The following QRICH2 variants were observed in gnomAD, a reference collection of about 807,000 sequenced individuals.
The protein encoded by QRICH2 is glutamine rich 2.
Under a neutral mutation model 168.3 loss-of-function variants are expected in QRICH2, and 119 were observed. That is an observed-to-expected ratio of 0.71 (90% CI 0.61 to 0.82). QRICH2 has a LOEUF of 0.82. Ranked by LOEUF, QRICH2 falls within the 40% of genes least tolerant of loss-of-function variation. QRICH2 has a pLI of 0.00. For synonymous variants in QRICH2, 894 were observed against 951.2 expected (o/e 0.94, Z 1.11); for missense variants, 2,241 against 2,491.6 (o/e 0.90, Z 2.14).
At position 76,281,763 on chromosome 17, in the gene QRICH2, G is replaced by T; in HGVS notation, c.4263+101C>A. 2 of 1,463,666 alleles carry T rather than the reference G, an allele frequency of 1.4e-6. No individual in the cohort carries two copies. Among genetic ancestry groups the T allele is most frequent in the Non-Finnish European group, 1.9e-6 (2 of 1,068,660 alleles). The allele number at this position is 1,463,666 out of a possible 1,614,324, so 90.7% of individuals were successfully genotyped here. On this transcript the variant is annotated intron_variant, in intron 8 of 18. Transcript: ENST00000680821. The surrounding 1 kb of genome is among the most constrained non-coding windows in gnomAD (Gnocchi z 4.4). ...CTCCGCCACGGAGAGCTGACCTTGA[G>T]GCCCAAACACCCGCCCCACTTCTGT...
rs750625203 is a variant in QRICH2 at position 76,304,935 on chromosome 17, A to G, written c.541T>C (p.Leu181=). ...AEELSFARVL[L]QRVDELEKLF... Reference sequence around the variant, plus strand: ...TTCTCTAGTTCATCAACCCGCTGTAAAAGTACCTGGAAGAAGAGTTCAGGA... The same window carrying G: ...TTCTCTAGTTCATCAACCCGCTGTAGAAGTACCTGGAAGAAGAGTTCAGGA... Residue 181 remains leucine, a synonymous_variant, in exon 2 of 19, where the codon TTA becomes CTA. Coordinates refer to ENST00000680821, the MANE Select transcript of QRICH2 (RefSeq NM_001388453.1). 7 of 1,613,086 alleles carry G rather than the reference A, an allele frequency of 4.3e-6. No homozygotes were observed. In the South Asian group the frequency reaches 7.7e-5, roughly 18 times the overall value.
At position 76,293,326 on chromosome 17, in the gene QRICH2, T is replaced by C; in HGVS notation, c.1401A>G (p.Ser467=). 1 of 1,614,152 alleles carries C rather than the reference T, an allele frequency of 6.2e-7. No homozygotes were observed. Among genetic ancestry groups the C allele is most frequent in the South Asian group, 1.1e-5 (1 of 91,088 alleles). Residue 467 remains serine (S), a synonymous_variant, in exon 4 of 19, where the codon TCA becomes TCG. Transcript: ENST00000680821. Reference sequence around the variant, plus strand: ...TCATACCATGCTGATATGCACTGACTGAAACCAGACCATGTTGGTCTGTGC... The same window carrying C: ...TCATACCATGCTGATATGCACTGACCGAAACCAGACCATGTTGGTCTGTGC... ...LPSTDQHGLV[S]VSAYQHGMTF... is the part of the protein sequence containing the mutation.
intron 3 of QRICH2, among the ~76,000 whole-genome samples, chr17:76,302,291 C>T (rs984554378): frequency 3.3e-5 from 5 of 151,026 alleles, no homozygotes; most frequent in East Asian, 2.0e-4. Flanking sequence ...TCTAGGACCC[C>T]GTTTCCCCCC....
Position 76,281,864 on chromosome 17 carries a change from C to T in QRICH2, c.4263G>A (p.Gln1421=). 2 of 1,612,514 alleles carry T rather than the reference C, an allele frequency of 1.2e-6. No individual in the cohort carries two copies. The highest frequency in any genetic ancestry group is 1.7e-6 in the Non-Finnish European group (2 of 1,179,204). The change falls in exon 8 of 19, where the codon CAG becomes CAA. Residue 1421 remains glutamine (Q), a splice_region_variant and synonymous_variant. Transcript: ENST00000680821. This position sits in a 1 kb window ranked among gnomAD's most constrained non-coding sequence, Gnocchi z 4.4. ...RPSKKAKLQR[Q]DEELLGRVQS... ...AGGAGGGAGGCGAGCAGAGCCCCAC[C>T]TGTCTCTGGAGCTTGGCCTTCTTGG...
intron 3 of QRICH2, among the ~76,000 whole-genome samples, chr17:76,302,313 C>G (rs535034208): frequency 6.7e-6 from 1 of 150,248 alleles, no homozygotes; most frequent in African/African-American, 2.5e-5. Context: ...ACCCCACCCC[C>G]ACCTCTGTAG....
chr17:76,295,073 C>CAAACAAACAAACAAATAAAT (rs1555675460), intron 3 of QRICH2, among the ~76,000 whole-genome samples: 5 of 143,202 alleles, frequency 3.5e-5, no homozygotes, highest in African/African-American at 1.3e-4. Context: ...CTACTAAAAA[C>CAAACAAACAAACAAATAAAT]AAATAAATAA....
chr17:76,307,747 G>C lies in QRICH2; in HGVS notation c.252C>G (p.Pro84=), dbSNP rs908767288. Residue 84 remains proline (P), a synonymous_variant, in exon 1 of 19, where the codon CCC becomes CCG. Transcript: ENST00000680821. This position sits in a 1 kb window ranked among gnomAD's most constrained non-coding sequence, Gnocchi z 5.3. ...GGCCCACGCCCCTGCGCTTCTCCCG[G>C]GGCGCCCCCTTGGGCACCTCCTTGG... is the stretch of plus-strand genomic sequence containing the variant. ...PAPKEVPKGA[P]REKRRGVGQA... 38 of 1,382,642 alleles carry C rather than the reference G, an allele frequency of 2.7e-5. No individual in the cohort carries two copies. Among genetic ancestry groups the C allele is most frequent in the Non-Finnish European group, 2.3e-5 (25 of 1,072,182 alleles). 85.6% of individuals were successfully genotyped at this position (1,382,642 alleles called of 1,614,324 possible).
chr17:76,292,917 C>T lies in QRICH2; in HGVS notation c.1810G>A (p.Gly604Arg), dbSNP rs1364166103. Residue 604 changes from glycine to arginine, a missense_variant, in exon 4 of 19, where the codon GGA becomes AGA. Gly to Arg is a moderately radical substitution (Grantham distance 125). Transcript: ENST00000680821. ...GADQRGLVRP[G>R]MDQSGLAQPG... Reference sequence around the variant, plus strand: ...TGGGCCAAACCAGACTGATCCATTCCAGGCCGGACCAAACCACGCTGATCT... The same window carrying T: ...TGGGCCAAACCAGACTGATCCATTCTAGGCCGGACCAAACCACGCTGATCT... 6.2e-7 allele frequency: 1 copy of T among 1,612,274 alleles called. No homozygotes were observed. The highest frequency in any genetic ancestry group is 2.2e-5 in the East Asian group (1 of 44,856).
chr17:76,288,383 TAAAAAAAAAAAAAA>T (rs770162922), intron 5 of QRICH2, among the ~76,000 whole-genome samples: 3 of 39,248 alleles, frequency 7.6e-5, no homozygotes, highest in African/African-American at 2.3e-4. Context: ...GAATCAGTCT[TAAAAAAAAAAAAAA>T]AAAAAAAAAA....
At chr17:76,287,142 C>G (rs374621617) in intron 7 of QRICH2, 50 bp downstream of exon 7, 4 of 1,350,622 alleles carry the variant, frequency 3.0e-6, no homozygotes, top group Non-Finnish European at 4.2e-6. Context: ...GCCAAGCCAG[C>G]TCTGAGAAGG....
rs1315875763 is a variant in QRICH2 at position 76,304,933 on chromosome 17, TA to T, written c.542del (p.Leu181TyrfsTer7). On this transcript the variant is annotated frameshift_variant, in exon 2 of 19. Transcript: ENST00000680821. LOFTEE classifies it high-confidence loss of function. ...GCTTCTCTAGTTCATCAACCCGCTG[TA>T]AAAGTACCTGGAAGAAGAGTTCAGG... is the stretch of plus-strand genomic sequence containing the variant. The part of the protein sequence containing the change: ...AEELSFARVL[L>X]QRVDELEKLF... The T allele has an allele frequency of 6.2e-7, 1 of 1,613,102 alleles. No homozygotes were observed. The highest frequency in any genetic ancestry group is 8.5e-7 in the Non-Finnish European group (1 of 1,179,202).
rs967609681 is a variant in QRICH2 at position 76,305,027 on chromosome 17, ACT to A, written c.535-88_535-87del. ...CACACACACACAGATGCGCACACAC[ACT>A]CTCACACTCAGACACACACATGCAT... On this transcript the variant is annotated intron_variant, in intron 1 of 18. Transcript: ENST00000680821. The A allele has an allele frequency of 1.0e-4, 82 of 819,260 alleles. 1 individual carries two copies. Among genetic ancestry groups the A allele is most frequent in the Admixed American group, 2.2e-4 (11 of 50,742 alleles). The allele number at this position is 819,260 out of a possible 1,614,324, so 50.7% of individuals were successfully genotyped here. A position where few individuals can be genotyped will look rare whatever the true frequency, so the allele number is the denominator to read the frequency against.
rs571065014 is a variant in QRICH2 at position 76,303,920 on chromosome 17, A to G, written c.705+495T>C. ...TCGCCACCAGCAAAGGGCCCCCTAC[A>G]GAGGTTTTACTTCCAGGGTCTGTCA... On this transcript the variant is annotated intron_variant, in intron 3 of 18. Coordinates refer to ENST00000680821, the MANE Select transcript of QRICH2 (RefSeq NM_001388453.1). 6.5e-4 allele frequency among the ~76,000 whole-genome samples: 98 copies of G among 151,546 alleles called. 2 individuals carry two copies. Among genetic ancestry groups the G allele is most frequent in the Admixed American group, 6.1e-3 (92 of 15,206 alleles).
At position 76,308,272 on chromosome 17, in the gene QRICH2, C is replaced by T. The variant is rs1598510102; in HGVS notation, c.-274G>A. 1.6e-5 allele frequency: 16 copies of T among 985,302 alleles called. No homozygotes were observed. Among genetic ancestry groups the T allele is most frequent in the Non-Finnish European group, 1.9e-5 (16 of 829,924 alleles). The allele number at this position is 985,302 out of a possible 1,614,324, so 61.0% of individuals were successfully genotyped here. On this transcript the variant is annotated 5_prime_UTR_variant, in exon 1 of 19. Coordinates refer to ENST00000680821, the MANE Select transcript of QRICH2 (RefSeq NM_001388453.1). The stretch of plus-strand genomic sequence containing the variant: ...GACTCCCAGTCCCCGCGCCGGCGGA[C>T]GTTTGAAACGTGGGGGCCCCCGCGT...
At position 76,293,592 on chromosome 17, in the gene QRICH2, T is replaced by C. The variant is rs746443760; in HGVS notation, c.1135A>G (p.Ser379Gly). The C allele has an allele frequency of 5.0e-6, 8 of 1,614,168 alleles. No individual in the cohort carries two copies. The highest frequency in any genetic ancestry group is 6.8e-6 in the Non-Finnish European group (8 of 1,180,034). Residue 379 changes from serine (S) to glycine (G), a missense_variant, in exon 4 of 19, where the codon AGC becomes GGC. Physicochemically the swap from Ser to Gly is moderately conservative, Grantham distance 56 (BLOSUM62 0). Coordinates refer to ENST00000680821, the MANE Select transcript of QRICH2 (RefSeq NM_001388453.1). ...GGCCTTAGATGGACCTGACTCTGGC[T>C]AGCGGGCACACTACTGGGCTGGTCT... ...ARDQPSSVPASQSQVHLRPDR... is the reference protein window; with the variant it reads ...ARDQPSSVPAGQSQVHLRPDR...
rs778192209 is a variant in QRICH2, at chr17:76,293,058, C to T, written c.1669G>A (p.Ala557Thr). Reference sequence around the variant, plus strand: ...GTGCCAGGTTGTATGAAGCCAGTTGCTTCCAAACTGGGCTGCACAAAACCT... The same window carrying T: ...GTGCCAGGTTGTATGAAGCCAGTTGTTTCCAAACTGGGCTGCACAAAACCT... The part of the protein sequence containing the change: ...QQGFVQPSLE[A>T]TGFIQPGTEQ... The change falls in exon 4 of 19, where the codon GCA becomes ACA. Residue 557 changes from alanine to threonine, a missense_variant. This residue lies in a region of QRICH2 where 2,047 missense variants were observed against 2,303.8 expected (regional missense o/e 0.89). Coordinates refer to ENST00000680821, the MANE Select transcript of QRICH2 (RefSeq NM_001388453.1). 1.2e-6 allele frequency: 2 copies of T among 1,614,214 alleles called. No individual in the cohort carries two copies. The highest frequency in any genetic ancestry group is 1.3e-5 in the African/African-American group (1 of 75,054).
chr17:76,294,125 T>G (rs1329061851), intron 3 of QRICH2, 104 bp from the exon 4 acceptor site: 8 of 1,406,644 alleles, frequency 5.7e-6, no homozygotes, highest in Non-Finnish European at 7.6e-6. Flanking sequence ...TTAGGGCCCC[T>G]GGAGAAAAAA....
At position 76,274,348 on chromosome 17, in the gene QRICH2, A is replaced by C. The variant is rs75825703; in HGVS notation, c.5483-88T>G. 4.3e-4 allele frequency: 591 copies of C among 1,381,678 alleles called. 5 individuals carry two copies. The African/African-American group carries it at 8.1e-3, about 19-fold the overall frequency. The allele number at this position is 1,381,678 out of a possible 1,614,324, so 85.6% of individuals were successfully genotyped here. On this transcript the variant is annotated intron_variant, in intron 18 of 18. Coordinates refer to ENST00000680821, the MANE Select transcript of QRICH2 (RefSeq NM_001388453.1). ...GCCTGCCCAATGCCCAGGGAGGTTG[A>C]GAGCAGTTCTGTTCGCCATGCTGGG...
Position 76,293,726 on chromosome 17 carries a change from T to C in QRICH2, c.1001A>G (p.Gln334Arg). 3.1e-6 allele frequency: 5 copies of C among 1,614,134 alleles called. No homozygotes were observed. Among genetic ancestry groups the C allele is most frequent in the Non-Finnish European group, 4.2e-6 (5 of 1,180,020 alleles). The change falls in exon 4 of 19, where the codon CAA (glutamine) becomes CGA (arginine). Residue 334 changes from glutamine (Q) to arginine (R), a missense_variant. This residue lies in a region of QRICH2 where 2,047 missense variants were observed against 2,303.8 expected (regional missense o/e 0.89). Coordinates refer to ENST00000680821, the MANE Select transcript of QRICH2 (RefSeq NM_001388453.1). ...VPRLHQSSTF[Q>R]FKSDSDRHRS... Reference sequence around the variant, plus strand: ...GTGACGATCTGAGTCTGATTTGAATTGGAATGTAGAAGACTGATGGAGTCG... The same window carrying C: ...GTGACGATCTGAGTCTGATTTGAATCGGAATGTAGAAGACTGATGGAGTCG...
Sources: allele counts gnomAD v4.1 joint callset (sites outside exome capture counted in the v4.1 genomes callset), GRCh38; gene constraint gnomAD v4.1.1; regional missense constraint gnomAD v4.1.1; non-coding constraint Gnocchi (gnomAD v3.1); transcripts MANE v1.5; gene names NCBI Gene and HGNC (gene_info 2026-07-23, HGNC 2026-07-21).